Variants in B3GALT1 observed in about 807,000 individuals in gnomAD.
The protein encoded by B3GALT1 is beta-1,3-galactosyltransferase 1.
B3GALT1 carries 10 observed loss-of-function variants against 23.2 expected under a neutral mutation model. The ratio of observed to expected loss-of-function variants is 0.43; its 90% CI spans 0.27 to 0.73. The LOEUF (loss-of-function observed/expected upper bound fraction) is 0.73. B3GALT1 is among the 30% of genes least tolerant of loss of function. The pLI is 0.21. For missense variants in B3GALT1, 299 were observed against 405.4 expected (o/e 0.74, Z 2.25); for synonymous variants, 156 against 141.5 (o/e 1.10, Z -0.73).
chr2:167,767,200 G>A (rs527621708), intron 3 of B3GALT1, among the ~76,000 whole-genome samples: 1 of 152,156 alleles, frequency 6.6e-6, no homozygotes, highest in Non-Finnish European at 1.5e-5. Flanking sequence ...ACCAATTGAG[G>A]TGTTGGCTAT....
intron 1 of B3GALT1, among the ~76,000 whole-genome samples, chr2:167,480,362 C>T (rs577078992): frequency 1.2e-4 from 19 of 152,230 alleles, no homozygotes; most frequent in African/African-American, 3.6e-4. Context: ...CAGGAATGAG[C>T]GAAGCCAGCA....
chr2:167,756,656 G>A (rs1394666868), intron 3 of B3GALT1, among the ~76,000 whole-genome samples: 1 of 152,176 alleles, frequency 6.6e-6, no homozygotes, highest in Non-Finnish European at 1.5e-5. Flanking sequence ...TCCGGGGGTG[G>A]ATAATTCATC....
intron 2 of B3GALT1, among the ~76,000 whole-genome samples, chr2:167,639,289 T>G (rs188976617): frequency 4.6e-4 from 70 of 152,106 alleles, no homozygotes; most frequent in African/African-American, 1.5e-3. Flanking sequence ...ATGTTGCAAA[T>G]TTGACTATTT....
intron 2 of B3GALT1, among the ~76,000 whole-genome samples, chr2:167,528,924 T>C (rs771039188): frequency 3.3e-5 from 5 of 152,138 alleles, no homozygotes; most frequent in Non-Finnish European, 5.9e-5. Context: ...CCCTTTTGTA[T>C]TAATAGTAAA....
intron 4 of B3GALT1, among the ~76,000 whole-genome samples, chr2:167,824,073 AG>A (rs1236526823): frequency 6.6e-6 from 1 of 152,260 alleles, no homozygotes; most frequent in Non-Finnish European, 1.5e-5. Flanking sequence ...ATAGCTGAGA[AG>A]TTGGGAAGAA....
intron 3 of B3GALT1, among the ~76,000 whole-genome samples, chr2:167,681,602 A>G (rs529233475): frequency 2.3e-4 from 35 of 152,384 alleles, no homozygotes; most frequent in Middle Eastern, 3.4e-3. Flanking sequence ...GTTGATTTAC[A>G]TATCACCTTG....
chr2:167,565,401 A>T (rs1684138204), intron 2 of B3GALT1, among the ~76,000 whole-genome samples: 1 of 152,146 alleles, frequency 6.6e-6, no homozygotes, highest in Non-Finnish European at 1.5e-5. Flanking sequence ...AACCACAAAA[A>T]CCCTAGAAGA....
chr2:167,440,115 G>C (rs528190671), intron 1 of B3GALT1, among the ~76,000 whole-genome samples: 1 of 151,668 alleles, frequency 6.6e-6, no homozygotes, highest in Non-Finnish European at 1.5e-5. Flanking sequence ...AGGCCGAGGC[G>C]GGCGGATCAC....
chr2:167,414,621 G>A (rs1698440085), intron 1 of B3GALT1, among the ~76,000 whole-genome samples: 1 of 152,088 alleles, frequency 6.6e-6, no homozygotes. Context: ...AGGAACTGTG[G>A]AATCCTAAAG....
Position 167,674,879 on chromosome 2 carries a change from T to C in B3GALT1, c.-352+27913T>C, listed in dbSNP as rs143678928. Among the ~76,000 whole-genome samples the C allele has an allele frequency of 5.1e-3, 772 of 152,344 alleles. 5 individuals are homozygous for C. The highest frequency in any genetic ancestry group is 8.3e-3 in the Non-Finnish European group (566 of 68,028). Reference sequence around the variant, plus strand: ...GTATATAAAATATATTATCAAATTATTTTTAAAATATTTTTTCTTCAATAC... The same window carrying C: ...GTATATAAAATATATTATCAAATTACTTTTAAAATATTTTTTCTTCAATAC... On this transcript the variant is annotated intron_variant, in intron 3 of 4. Transcript: ENST00000392690.
At chr2:167,404,051 G>C (rs140565215) in intron 1 of B3GALT1, among the ~76,000 whole-genome samples, 2 of 152,086 alleles carry the variant, frequency 1.3e-5, no homozygotes, top group African/African-American at 2.4e-5. Flanking sequence ...CAGTTCTTCA[G>C]GCTGTACAAG....
chr2:167,313,942 A>G (rs148880992), intron 1 of B3GALT1, among the ~76,000 whole-genome samples: 138 of 152,178 alleles, frequency 9.1e-4, no homozygotes, highest in African/African-American at 3.2e-3. Context: ...ATGTCTTCCC[A>G]CTCTGCACCC....
At chr2:167,594,865 G>A (rs917482132) in intron 2 of B3GALT1, among the ~76,000 whole-genome samples, 5 of 151,892 alleles carry the variant, frequency 3.3e-5, no homozygotes, top group Non-Finnish European at 5.9e-5. Context: ...AAGATTGCGT[G>A]ACTGCACTCT....
intron 3 of B3GALT1, among the ~76,000 whole-genome samples, chr2:167,786,984 C>G (rs752305171): frequency 1.3e-5 from 2 of 152,106 alleles, no homozygotes; most frequent in Non-Finnish European, 2.9e-5. Context: ...TTCAAATATA[C>G]AGTTAAGACT....
intron 3 of B3GALT1, among the ~76,000 whole-genome samples, chr2:167,731,806 CA>C (rs1324634950): frequency 6.6e-6 from 1 of 152,192 alleles, no homozygotes; most frequent in African/African-American, 2.4e-5. Flanking sequence ...ACTGTCCTCT[CA>C]AAGTCAGAGC....
intron 3 of B3GALT1, among the ~76,000 whole-genome samples, chr2:167,685,397 A>G (rs1038116911): frequency 1.3e-5 from 2 of 152,350 alleles, no homozygotes; most frequent in African/African-American, 4.8e-5. Context: ...CTAGCTATCC[A>G]TTATTCTAGT....
chr2:167,532,177 T>A (rs1683336497), intron 2 of B3GALT1, among the ~76,000 whole-genome samples: 1 of 152,184 alleles, frequency 6.6e-6, no homozygotes, highest in Non-Finnish European at 1.5e-5. Context: ...TATAATATTT[T>A]AATTTGTCTA....
At chr2:167,302,302 G>T (rs1474783045) in intron 1 of B3GALT1, among the ~76,000 whole-genome samples, 1 of 151,936 alleles carries the variant, frequency 6.6e-6, no homozygotes, top group African/African-American at 2.4e-5. Flanking sequence ...AAATGTTTTT[G>T]CTGGGAACAG....
At chr2:167,766,323 C>G (rs1296260971) in intron 3 of B3GALT1, among the ~76,000 whole-genome samples, 1 of 152,094 alleles carries the variant, frequency 6.6e-6, no homozygotes, top group Non-Finnish European at 1.5e-5. Flanking sequence ...CGACAAAACT[C>G]AAAGAAAAAC....
Sources: allele counts gnomAD v4.1 joint callset (sites outside exome capture counted in the v4.1 genomes callset), GRCh38; gene constraint gnomAD v4.1.1; transcripts MANE v1.5; gene names NCBI Gene and HGNC (gene_info 2026-07-23, HGNC 2026-07-21).